The following RNGTT variants were observed in gnomAD, a reference collection of about 807,000 sequenced individuals.
The protein encoded by RNGTT is RNA guanylyltransferase and 5'-phosphatase.
A neutral mutation model predicts 79.3 loss-of-function variants in RNGTT; 33 were observed. The ratio of observed to expected loss-of-function variants is 0.42; its 90% CI spans 0.32 to 0.56. The LOEUF is 0.56. Among genes scored for constraint, RNGTT ranks in the 20% least tolerant of loss-of-function variants. RNGTT has a pLI of 0.17. For synonymous variants in RNGTT, 222 were observed against 235.9 expected, an observed-to-expected ratio of 0.94 and a Z score of 0.54; for missense variants, 497 against 739.1, an observed-to-expected ratio of 0.67 and a Z score of 3.80.
chr6:88,699,636 G>T (rs1036025855), intron 13 of RNGTT, among the ~76,000 whole-genome samples: 1 of 152,094 alleles, frequency 6.6e-6, no homozygotes. Context: ...CTGTACTCAG[G>T]TCTGGGCAAC....
At chr6:88,753,832 A>G (rs993257762) in intron 13 of RNGTT, among the ~76,000 whole-genome samples, 6 of 152,114 alleles carry the variant, frequency 3.9e-5, no homozygotes, top group Non-Finnish European at 7.4e-5. Context: ...GAATACTCTG[A>G]GCTTCTTACT....
chr6:88,669,274 G>A (rs531003322), intron 14 of RNGTT, among the ~76,000 whole-genome samples: 5 of 152,212 alleles, frequency 3.3e-5, no homozygotes, highest in Non-Finnish European at 5.9e-5. Flanking sequence ...CCTGCAGTTA[G>A]CAGAAAATAT....
chr6:88,651,828 G>C (rs1773808755), intron 14 of RNGTT, among the ~76,000 whole-genome samples: 1 of 151,934 alleles, frequency 6.6e-6, no homozygotes, highest in Non-Finnish European at 1.5e-5. Flanking sequence ...AAGCAAATCT[G>C]ATGTAAAATA....
chr6:88,856,129 T>C lies in RNGTT; in HGVS notation c.897-2365A>G, dbSNP rs564486146. On this transcript the variant is annotated intron_variant, in intron 8 of 15. Coordinates refer to ENST00000369485, the MANE Select transcript of RNGTT (RefSeq NM_003800.5). ...TAGGATATTTAAAGTTATGATAAAATATATAAATAAATCTGTTCATCTTAT... is the reference window on the plus strand; with the variant it reads ...TAGGATATTTAAAGTTATGATAAAACATATAAATAAATCTGTTCATCTTAT... Among the ~76,000 whole-genome samples, 22 of 152,286 alleles carry C rather than the reference T, an allele frequency of 1.4e-4. 1 individual carries two copies. The South Asian group carries it at 4.4e-3, about 30-fold the overall frequency.
At chr6:88,833,987 C>T (rs1453509317) in intron 11 of RNGTT, among the ~76,000 whole-genome samples, 4 of 152,160 alleles carry the variant, frequency 2.6e-5, no homozygotes, top group African/African-American at 4.8e-5. Context: ...CACCAATGCA[C>T]TCTGGCCTAG....
At chr6:88,777,056 T>C (rs1778913065) in intron 12 of RNGTT, among the ~76,000 whole-genome samples, 1 of 152,214 alleles carries the variant, frequency 6.6e-6, no homozygotes, top group Non-Finnish European at 1.5e-5. Flanking sequence ...ATTTCATTCT[T>C]TTGTATATGG....
intron 11 of RNGTT, among the ~76,000 whole-genome samples, chr6:88,821,827 T>C (rs1780505121): frequency 6.6e-6 from 1 of 150,844 alleles, no homozygotes; most frequent in Non-Finnish European, 1.5e-5. Flanking sequence ...ATGACAAAAC[T>C]ATAACATAAA....
At chr6:88,757,440 T>C (rs1331313337) in intron 13 of RNGTT, among the ~76,000 whole-genome samples, 1 of 152,218 alleles carries the variant, frequency 6.6e-6, no homozygotes, top group African/African-American at 2.4e-5. Context: ...GTATTAAATA[T>C]GCAAAGCAAA....
intron 13 of RNGTT, 73 bp from the exon 14 acceptor site, chr6:88,678,492 GAAT>G (rs1310715071): frequency 4.4e-6 from 4 of 913,460 alleles, no homozygotes; most frequent in Admixed American, 3.7e-5. Context: ...ATCAAAATTT[GAAT>G]AATAGATATA....
intron 1 of RNGTT, among the ~76,000 whole-genome samples, chr6:88,956,209 G>A (rs1389264372): frequency 6.6e-6 from 1 of 151,728 alleles, no homozygotes; most frequent in Non-Finnish European, 1.5e-5. Flanking sequence ...TCATTCAATA[G>A]TACTATGAAT....
chr6:88,738,930 TATAA>T (rs1340723319), intron 13 of RNGTT, among the ~76,000 whole-genome samples: 5 of 151,996 alleles, frequency 3.3e-5, no homozygotes, highest in Admixed American at 6.6e-5. Flanking sequence ...ATGAATGATG[TATAA>T]ATAATTACTA....
intron 11 of RNGTT, 94 bp from the exon 12 acceptor site, chr6:88,801,726 ATATAAGT>A (rs1779790007): frequency 1.3e-6 from 1 of 765,020 alleles, no homozygotes; most frequent in Non-Finnish European, 2.2e-6. Context: ...ACTTCTTAAT[ATATAAGT>A]TATAAGAACT....
chr6:88,623,584 T>C (rs1485913805), intron 14 of RNGTT, among the ~76,000 whole-genome samples: 2 of 151,862 alleles, frequency 1.3e-5, no homozygotes, highest in African/African-American at 4.8e-5. Context: ...CTTACTGTCA[T>C]CATCATAGTC....
At chr6:88,632,544 G>GACACACACACACACACACACACACAC (rs55920605) in intron 14 of RNGTT, among the ~76,000 whole-genome samples, 1 of 132,968 alleles carries the variant, frequency 7.5e-6, no homozygotes, top group East Asian at 2.1e-4. Flanking sequence ...CAGACACACA[G>GACACACACACACACACACACACACAC]ACACACACAC....
At chr6:88,930,954 A>G (rs1173115997) in intron 2 of RNGTT, among the ~76,000 whole-genome samples, 1 of 152,162 alleles carries the variant, frequency 6.6e-6, no homozygotes, top group Admixed American at 6.6e-5. Context: ...AAGTAGTAAG[A>G]AGATTCCCTA....
intron 2 of RNGTT, among the ~76,000 whole-genome samples, chr6:88,931,692 T>C (rs1304397982): frequency 2.6e-5 from 4 of 152,150 alleles, no homozygotes; most frequent in Non-Finnish European, 5.9e-5. Flanking sequence ...CATATGCATA[T>C]TACTGGAGGC....
intron 11 of RNGTT, among the ~76,000 whole-genome samples, chr6:88,826,512 G>C (rs747458391): frequency 6.6e-6 from 1 of 151,954 alleles, no homozygotes; most frequent in Admixed American, 6.6e-5. Flanking sequence ...GGCCAGGTGC[G>C]GTGGCTTACA....
chr6:88,817,157 T>C (rs972673118), intron 11 of RNGTT, among the ~76,000 whole-genome samples: 7 of 152,214 alleles, frequency 4.6e-5, no homozygotes, highest in Non-Finnish European at 8.8e-5. Context: ...ATCCTAAATA[T>C]ATACATGCCT....
At chr6:88,679,741 A>G (rs1177020028) in intron 13 of RNGTT, among the ~76,000 whole-genome samples, 1 of 152,202 alleles carries the variant, frequency 6.6e-6, no homozygotes, top group African/African-American at 2.4e-5. Context: ...GTAGTGGTAC[A>G]GGGTATAGGA....
Sources: gnomAD v4.1 joint callset for allele counts (sites outside exome capture counted in the v4.1 genomes callset) on GRCh38, gnomAD v4.1.1 for gene constraint, MANE v1.5 for transcripts, NCBI Gene and HGNC (gene_info 2026-07-23, HGNC 2026-07-21) for gene names.